Variants in TAF1L observed in about 807,000 individuals in gnomAD.
TAF1L encodes transcription initiation factor TFIID subunit 1-like.
TAF1L carries 30 observed loss-of-function variants against 128.8 expected under a neutral mutation model. The ratio of observed to expected loss-of-function variants is 0.23; its 90% CI spans 0.17 to 0.32. The LOEUF is 0.32. Among genes scored for constraint, TAF1L ranks in the 10% least tolerant of loss-of-function variants. TAF1L has a pLI of 1.00. For synonymous variants in TAF1L, 764 were observed against 790.7 expected, an observed-to-expected ratio of 0.97 and a Z score of 0.57; for missense variants, 2,099 against 2,253.7, an observed-to-expected ratio of 0.93 and a Z score of 1.39.
In TAF1L at chr9:32,635,434, C is replaced by A; in HGVS notation, c.146G>T (p.Gly49Val). 6.2e-7 allele frequency: 1 copy of A among 1,614,182 alleles called. No individual in the cohort carries two copies. Among genetic ancestry groups the A allele is most frequent in the Non-Finnish European group, 8.5e-7 (1 of 1,180,030 alleles). The change falls in exon 1 of 1, where the codon GGG becomes GTG. Residue 49 changes from glycine to valine, a missense_variant. Gly to Val is a moderately radical substitution (Grantham distance 109, BLOSUM62 -3). Coordinates refer to ENST00000242310, the MANE Select transcript of TAF1L (RefSeq NM_153809.2). Reference protein sequence around the residue: ...GILFGNISGAGQLEGESVLDD... With the variant: ...GILFGNISGAVQLEGESVLDD... Reference sequence around the variant, plus strand: ...CAAGACGCTTTCCCCCTCCAGCTGCCCCGCTCCACTGATGTTGCCGAAAAG... The same window carrying A: ...CAAGACGCTTTCCCCCTCCAGCTGCACCGCTCCACTGATGTTGCCGAAAAG...
rs1272769598 is a variant in TAF1L at position 32,633,120 on chromosome 9, C to A, written c.2460G>T (p.Met820Ile). 1.1e-5 allele frequency: 18 copies of A among 1,614,214 alleles called. No homozygotes were observed. Among genetic ancestry groups the A allele is most frequent in the Non-Finnish European group, 1.5e-5 (18 of 1,180,038 alleles). The change falls in exon 1 of 1, where the codon ATG becomes ATT. Residue 820 changes from methionine (M) to isoleucine (I), a missense_variant. Met to Ile is a conservative substitution (Grantham distance 10). Transcript: ENST00000242310. ...AAACCTGTAGAAAGTCTCGAATATG[C>A]ATATTGGCCCTTCTGGAGTTAGGCC... ...VPGPNSRRAN[M>I]HIRDFLQVFI...
rs780245635 is a variant in TAF1L, at chr9:32,634,890, T to G, written c.690A>C (p.Pro230=). ...AESEDGKLTL[P]LAGIMQHDAT... ...CATCATGCTGCATAATCCCAGCCAATGGAAGGGTCAGCTTTCCATCCTCAG... is the reference window on the plus strand; with the variant it reads ...CATCATGCTGCATAATCCCAGCCAAGGGAAGGGTCAGCTTTCCATCCTCAG... Residue 230 remains proline (P), a synonymous_variant, in exon 1 of 1, where the codon CCA becomes CCC. Coordinates refer to ENST00000242310, the MANE Select transcript of TAF1L (RefSeq NM_153809.2). 6.2e-7 allele frequency: 1 copy of G among 1,614,064 alleles called. No homozygotes were observed. The highest frequency in any genetic ancestry group is 8.5e-7 in the Non-Finnish European group (1 of 1,180,026).
chr9:32,634,857 C>G lies in TAF1L; in HGVS notation c.723G>C (p.Lys241Asn), dbSNP rs374601265. 1.2e-6 allele frequency: 2 copies of G among 1,614,196 alleles called. No homozygotes were observed. Among genetic ancestry groups the G allele is most frequent in the East Asian group, 2.2e-5 (1 of 44,880 alleles). Residue 241 changes from lysine to asparagine, a missense_variant, in exon 1 of 1, where the codon AAG becomes AAC. Physicochemically the swap from Lys to Asn is moderately conservative, Grantham distance 94 (BLOSUM62 0). Transcript: ENST00000242310. Reference protein sequence around the residue: ...LAGIMQHDATKLLPSVTELFP... With the variant: ...LAGIMQHDATNLLPSVTELFP... ...AAAGTTCGGTGACACTTGGCAACAGCTTGGTGGCATCATGCTGCATAATCC... is the reference window on the plus strand; with the variant it reads ...AAAGTTCGGTGACACTTGGCAACAGGTTGGTGGCATCATGCTGCATAATCC...
Position 32,632,057 on chromosome 9 carries a change from G to T in TAF1L, c.3523C>A (p.Leu1175Ile), listed in dbSNP as rs767778670. The T allele has an allele frequency of 1.2e-6, 2 of 1,614,010 alleles. No individual in the cohort carries two copies. Among genetic ancestry groups the T allele is most frequent in the Admixed American group, 3.3e-5 (2 of 60,000 alleles). ...CAGTGTCCAGTGGCAGAAGACTTAA[G>T]GCTAGTCATGGAAGCTGTGACATCA... is the stretch of plus-strand genomic sequence containing the variant. ...RDDVTASMTS[L>I]KSSATGHCLK... Residue 1175 changes from leucine (L) to isoleucine (I), a missense_variant, in exon 1 of 1, where the codon CTT becomes ATT. Physicochemically the swap from Leu to Ile is conservative, Grantham distance 5. This residue lies in a region of TAF1L where 1,213 missense variants were observed against 1,391.4 expected (regional missense o/e 0.87). Coordinates refer to ENST00000242310, the MANE Select transcript of TAF1L (RefSeq NM_153809.2). This position sits in a 1 kb window ranked among gnomAD's most constrained non-coding sequence, Gnocchi z 4.4.
chr9:32,632,852 T>G lies in TAF1L; in HGVS notation c.2728A>C (p.Met910Leu), dbSNP rs758345620. The G allele has an allele frequency of 6.2e-7, 1 of 1,614,256 alleles. No individual in the cohort carries two copies. The highest frequency in any genetic ancestry group is 8.5e-7 in the Non-Finnish European group (1 of 1,180,038). Reference sequence around the variant, plus strand: ...TTCAGTCGTTGCTTTGCAGCTATCATGCTATAATAAGCACAGCACTGCTCT... The same window carrying G: ...TTCAGTCGTTGCTTTGCAGCTATCAGGCTATAATAAGCACAGCACTGCTCT... ...SPEQCCAYYS[M>L]IAAKQRLKDA... The change falls in exon 1 of 1, where the codon ATG becomes CTG. Residue 910 changes from methionine (M) to leucine (L), a missense_variant. By Grantham distance (15) the Met-to-Leu change is conservative. Transcript: ENST00000242310. This position sits in a 1 kb window ranked among gnomAD's most constrained non-coding sequence, Gnocchi z 4.4.
At position 32,632,973 on chromosome 9, in the gene TAF1L, A is replaced by T; in HGVS notation, c.2607T>A (p.Ala869=). 6.2e-7 allele frequency: 1 copy of T among 1,614,252 alleles called. No individual in the cohort carries two copies. The highest frequency in any genetic ancestry group is 8.5e-7 in the Non-Finnish European group (1 of 1,180,038). ...AATCCATCCCTGTGCGTTTGAAGTC[A>T]GCGCAGAGCTTTAGCCTCTTCCGGA... ...SSIRKRLKLC[A]DFKRTGMDSN... Residue 869 remains alanine, a synonymous_variant, in exon 1 of 1, where the codon GCT becomes GCA. Coordinates refer to ENST00000242310, the MANE Select transcript of TAF1L (RefSeq NM_153809.2). This position sits in a 1 kb window ranked among gnomAD's most constrained non-coding sequence, Gnocchi z 4.4.
chr9:32,632,603 G>C lies in TAF1L; in HGVS notation c.2977C>G (p.Gln993Glu). 6.2e-7 allele frequency: 1 copy of C among 1,614,210 alleles called. No homozygotes were observed. The highest frequency in any genetic ancestry group is 8.5e-7 in the Non-Finnish European group (1 of 1,180,050). Residue 993 changes from glutamine to glutamate, a missense_variant, in exon 1 of 1, where the codon CAG (glutamine) becomes GAG (glutamate). Around this residue, in one of 4 missense-constraint regions of TAF1L, gnomAD observed 1,213 missense variants for 1,391.4 expected, o/e 0.87. Transcript: ENST00000242310. The surrounding 1 kb of genome is among the most constrained non-coding windows in gnomAD (Gnocchi z 4.4). ...SYVKIPNKPT[Q>E]QKDDKEPQAV... Reference sequence around the variant, plus strand: ...TGTGGCTCTTTATCATCCTTCTGCTGTGTTGGTTTATTTGGAATCTTCACA... The same window carrying C: ...TGTGGCTCTTTATCATCCTTCTGCTCTGTTGGTTTATTTGGAATCTTCACA...
In TAF1L at chr9:32,631,270, T is replaced by C. The variant is rs1186403929; in HGVS notation, c.4310A>G (p.Tyr1437Cys). Reference sequence around the variant, plus strand: ...GTCCATTGGCCGAGTGATGATTTTGTAGTAGTCCTTTACAACCTTTGCATT... The same window carrying C: ...GTCCATTGGCCGAGTGATGATTTTGCAGTAGTCCTTTACAACCTTTGCATT... Reference protein sequence around the residue: ...PVNAKVVKDYYKIITRPMDLQ... With the variant: ...PVNAKVVKDYCKIITRPMDLQ... Residue 1437 changes from tyrosine to cysteine, a missense_variant, in exon 1 of 1, where the codon TAC becomes TGC. Tyr to Cys is a radical substitution (Grantham distance 194). Around this residue, in one of 4 missense-constraint regions of TAF1L, gnomAD observed 1,213 missense variants for 1,391.4 expected, o/e 0.87. Coordinates refer to ENST00000242310, the MANE Select transcript of TAF1L (RefSeq NM_153809.2). This position sits in a 1 kb window ranked among gnomAD's most constrained non-coding sequence, Gnocchi z 4.1. 6.2e-7 allele frequency: 1 copy of C among 1,614,194 alleles called. No individual in the cohort carries two copies. The highest frequency in any genetic ancestry group is 1.1e-5 in the South Asian group (1 of 91,086).
chr9:32,632,654 T>C lies in TAF1L; in HGVS notation c.2926A>G (p.Thr976Ala), dbSNP rs1822532640. ...TAGGAGAATCCTTCACCACACCCTGTGGGATCTGCCACCCCAGTCACCTCT... is the reference window on the plus strand; with the variant it reads ...TAGGAGAATCCTTCACCACACCCTGCGGGATCTGCCACCCCAGTCACCTCT... ...LLEVTGVADPTGCGEGFSYVK... is the reference protein window; with the variant it reads ...LLEVTGVADPAGCGEGFSYVK... The change falls in exon 1 of 1, where the codon ACA (threonine) becomes GCA (alanine). Residue 976 changes from threonine (T) to alanine (A), a missense_variant. Around this residue, in one of 4 missense-constraint regions of TAF1L, gnomAD observed 1,213 missense variants for 1,391.4 expected, o/e 0.87. Transcript: ENST00000242310. This position sits in a 1 kb window ranked among gnomAD's most constrained non-coding sequence, Gnocchi z 4.4. The C allele has an allele frequency of 6.2e-7, 1 of 1,614,108 alleles. No homozygotes were observed. Among genetic ancestry groups the C allele is most frequent in the Admixed American group, 1.7e-5 (1 of 60,010 alleles).
chr9:32,635,082 C>T lies in TAF1L; in HGVS notation c.498G>A (p.Lys166=), dbSNP rs56227759. The change falls in exon 1 of 1, where the codon AAG becomes AAA. Residue 166 remains lysine (K), a synonymous_variant. Coordinates refer to ENST00000242310, the MANE Select transcript of TAF1L (RefSeq NM_153809.2). ...TAATAGCATCTTGGTCCTTATCCTT[C>T]TTCATTGGTCCCGGGGGTGGAGGTG... is the stretch of plus-strand genomic sequence containing the variant. ...PPPPPPPGPM[K]KDKDQDAITC... is the part of the protein sequence containing the mutation. 1 of 1,614,088 alleles carries T rather than the reference C, an allele frequency of 6.2e-7. No individual in the cohort carries two copies. Among genetic ancestry groups the T allele is most frequent in the Non-Finnish European group, 8.5e-7 (1 of 1,180,024 alleles).
chr9:32,634,691 C>A lies in TAF1L; in HGVS notation c.889G>T (p.Val297Leu), dbSNP rs751157813. 3 of 1,614,166 alleles carry A rather than the reference C, an allele frequency of 1.9e-6. No homozygotes were observed. Among genetic ancestry groups the A allele is most frequent in the Non-Finnish European group, 2.5e-6 (3 of 1,180,034 alleles). ...ELIQEEQIQEVECSVESEVSQ... is the reference protein window; with the variant it reads ...ELIQEEQIQELECSVESEVSQ... ...ACTTCTGATTCTACTGAGCATTCCA[C>A]CTCCTGGATCTGCTCTTCCTGTATC... The change falls in exon 1 of 1, where the codon GTG becomes TTG. Residue 297 changes from valine (V) to leucine (L), a missense_variant. Val to Leu is a conservative substitution (Grantham distance 32). Coordinates refer to ENST00000242310, the MANE Select transcript of TAF1L (RefSeq NM_153809.2).
Position 32,635,070 on chromosome 9 carries a change from G to C in TAF1L, c.510C>G (p.Asp170Glu). 6.2e-7 allele frequency: 1 copy of C among 1,614,066 alleles called. No individual in the cohort carries two copies. Among genetic ancestry groups the C allele is most frequent in the Non-Finnish European group, 8.5e-7 (1 of 1,180,016 alleles). Residue 170 changes from aspartate (D) to glutamate (E), a missense_variant, in exon 1 of 1, where the codon GAC becomes GAG. Physicochemically the swap from Asp to Glu is conservative, Grantham distance 45. This residue lies in a region of TAF1L where 473 missense variants were observed against 429.6 expected (regional missense o/e 1.10). Coordinates refer to ENST00000242310, the MANE Select transcript of TAF1L (RefSeq NM_153809.2). ...CAGACACACAGGTAATAGCATCTTG[G>C]TCCTTATCCTTCTTCATTGGTCCCG... ...PPPGPMKKDK[D>E]QDAITCVSES...
chr9:32,633,373 C>A lies in TAF1L; in HGVS notation c.2207G>T (p.Cys736Phe). ...GCAGTAAACAGTTTCCCCATATTTA[C>A]AATCTGGTGCTCCAGGATCTTTGCC... ...KPGKDPGAPD[C>F]KYGETVYCHT... Residue 736 changes from cysteine to phenylalanine, a missense_variant, in exon 1 of 1, where the codon TGT becomes TTT. Coordinates refer to ENST00000242310, the MANE Select transcript of TAF1L (RefSeq NM_153809.2). 1 of 1,614,222 alleles carries A rather than the reference C, an allele frequency of 6.2e-7. No individual in the cohort carries two copies. The highest frequency in any genetic ancestry group is 8.5e-7 in the Non-Finnish European group (1 of 1,180,036).
chr9:32,635,141 A>C lies in TAF1L; in HGVS notation c.439T>G (p.Cys147Gly). ...ATCAACTTGCAATCAATGTCTTCAC[A>C]ATCAGCATCATAGTCATCTTCATCA... ...DYDEDDYDADCEDIDCKLMPP... is the reference protein window; with the variant it reads ...DYDEDDYDADGEDIDCKLMPP... Residue 147 changes from cysteine (C) to glycine (G), a missense_variant, in exon 1 of 1, where the codon TGT becomes GGT. Physicochemically the swap from Cys to Gly is radical, Grantham distance 159. Around this residue, in one of 4 missense-constraint regions of TAF1L, gnomAD observed 473 missense variants for 429.6 expected, o/e 1.10. Coordinates refer to ENST00000242310, the MANE Select transcript of TAF1L (RefSeq NM_153809.2). The C allele has an allele frequency of 6.2e-7, 1 of 1,614,168 alleles. No homozygotes were observed.
chr9:32,630,804 G>T lies in TAF1L; in HGVS notation c.4776C>A (p.Asn1592Lys). The T allele has an allele frequency of 6.2e-7, 1 of 1,614,158 alleles. No homozygotes were observed. Among genetic ancestry groups the T allele is most frequent in the Non-Finnish European group, 8.5e-7 (1 of 1,180,028 alleles). ...QSRESFLDDVNLILANSVKYN... is the reference protein window; with the variant it reads ...QSRESFLDDVKLILANSVKYN... ...ACTTAACACTGTTGGCAAGAATAAGGTTTACATCATCTAGAAAACTCTCCC... is the reference window on the plus strand; with the variant it reads ...ACTTAACACTGTTGGCAAGAATAAGTTTTACATCATCTAGAAAACTCTCCC... The change falls in exon 1 of 1, where the codon AAC becomes AAA. Residue 1592 changes from asparagine (N) to lysine (K), a missense_variant. Physicochemically the swap from Asn to Lys is moderately conservative, Grantham distance 94. Transcript: ENST00000242310.
In TAF1L at chr9:32,633,939, C is replaced by G. The variant is rs760294036; in HGVS notation, c.1641G>C (p.Glu547Asp). The G allele has an allele frequency of 1.2e-6, 2 of 1,614,080 alleles. No individual in the cohort carries two copies. The highest frequency in any genetic ancestry group is 2.7e-5 in the African/African-American group (2 of 74,916). Residue 547 changes from glutamate (E) to aspartate (D), a missense_variant, in exon 1 of 1, where the codon GAG becomes GAC. Physicochemically the swap from Glu to Asp is conservative, Grantham distance 45 (BLOSUM62 2). Transcript: ENST00000242310. Reference protein sequence around the residue: ...EEATSNSPSKESKKESSLKKS... With the variant: ...EEATSNSPSKDSKKESSLKKS... The stretch of plus-strand genomic sequence containing the variant: ...TCTTCAGAGATGATTCCTTCTTACT[C>G]TCCTTGGAGGGGGAGTTAGAGGTGG...
chr9:32,634,568 A>T lies in TAF1L; in HGVS notation c.1012T>A (p.Ser338Thr), dbSNP rs528226300. ...TCTCCAGTTGATTGGGAAAATTTGG[A>T]CTCCACAGGAACCATCATCGTGATT... ...DEITMMVPVE[S>T]KFSQSTGDVD... The change falls in exon 1 of 1, where the codon TCC becomes ACC. Residue 338 changes from serine (S) to threonine (T), a missense_variant. Physicochemically the swap from Ser to Thr is moderately conservative, Grantham distance 58. This residue lies in a region of TAF1L where 473 missense variants were observed against 429.6 expected (regional missense o/e 1.10). Transcript: ENST00000242310. 67 of 1,613,802 alleles carry T rather than the reference A, an allele frequency of 4.2e-5. No individual in the cohort carries two copies. The South Asian group carries it at 6.7e-4, about 16-fold the overall frequency.
chr9:32,635,499 T>C lies in TAF1L; in HGVS notation c.81A>G (p.Glu27=), dbSNP rs960235582. 1 of 1,614,106 alleles carries C rather than the reference T, an allele frequency of 6.2e-7. No individual in the cohort carries two copies. Among genetic ancestry groups the C allele is most frequent in the Non-Finnish European group, 8.5e-7 (1 of 1,179,998 alleles). ...TAAATGGGCCACCTCCAGATGAATC[T>C]TCCTCGCTGTCCGAGTCTGACATGA... ...AAIMSDSDSE[E]DSSGGGPFTL... is the part of the protein sequence containing the mutation. Residue 27 remains glutamate (E), a synonymous_variant, in exon 1 of 1, where the codon GAA becomes GAG. Coordinates refer to ENST00000242310, the MANE Select transcript of TAF1L (RefSeq NM_153809.2).
In TAF1L at chr9:32,632,086, CTG is replaced by C; in HGVS notation, c.3492_3493del (p.His1164GlnfsTer3). The C allele has an allele frequency of 6.2e-7, 1 of 1,614,172 alleles. No individual in the cohort carries two copies. The highest frequency in any genetic ancestry group is 8.5e-7 in the Non-Finnish European group (1 of 1,180,044). ...AGTCATGGAAGCTGTGACATCATCTCTGTGATTGTTTCCTGATGCTGCTGAGC... is the reference window on the plus strand; with the variant it reads ...AGTCATGGAAGCTGTGACATCATCTCTGATTGTTTCCTGATGCTGCTGAGC... On this transcript the variant is annotated frameshift_variant, in exon 1 of 1. Transcript: ENST00000242310. LOFTEE classifies it high-confidence loss of function. This position sits in a 1 kb window ranked among gnomAD's most constrained non-coding sequence, Gnocchi z 4.4.
Sources: gnomAD v4.1 joint callset for allele counts on GRCh38, gnomAD v4.1.1 for gene constraint, gnomAD v4.1.1 regional missense constraint, Gnocchi (gnomAD v3.1) non-coding constraint, MANE v1.5 for transcripts, NCBI Gene and HGNC (gene_info 2026-07-23, HGNC 2026-07-21) for gene names.